Variants in CABIN1 observed in about 807,000 individuals in gnomAD.
The protein encoded by CABIN1 is calcineurin binding protein 1, also known as calcineurin-binding protein cabin-1.
Under a neutral mutation model 227.7 loss-of-function variants are expected in CABIN1, and 133 were observed. That is an observed-to-expected ratio of 0.58 (90% CI 0.51 to 0.67). The LOEUF (loss-of-function observed/expected upper bound fraction) is 0.67. Ranked by LOEUF, CABIN1 falls within the 30% of genes least tolerant of loss-of-function variation. The pLI is 0.00. For synonymous variants in CABIN1, 1,086 were observed against 1,155.1 expected, an observed-to-expected ratio of 0.94 and a Z score of 1.21; for missense variants, 2,408 against 2,852.5, an observed-to-expected ratio of 0.84 and a Z score of 3.55.
chr22:24,063,193 C>T lies in CABIN1; in HGVS notation c.1884+47C>T, dbSNP rs201948428. On this transcript the variant is annotated intron_variant, in intron 14 of 36. Coordinates refer to ENST00000263119, the MANE Select transcript of CABIN1 (RefSeq NM_012295.4). ...TTGGGGAGCATGCCCTGACACCCAG[C>T]AGGGTGGGCAGAAAATTGACCATGT... The T allele has an allele frequency of 1.9e-6, 3 of 1,589,482 alleles. No homozygotes were observed. The East Asian group carries it at 6.7e-5, about 36-fold the overall frequency.
chr22:24,122,774 A>G (rs2043497749), intron 28 of CABIN1, among the ~76,000 whole-genome samples: 1 of 151,956 alleles, frequency 6.6e-6, no homozygotes, highest in Non-Finnish European at 1.5e-5. Context: ...AAAGTTTCAG[A>G]TTTTGGAACA....
chr22:24,072,524 G>A lies in CABIN1; in HGVS notation c.2632+14G>A, dbSNP rs1268089607. Reference sequence around the variant, plus strand: ...CAGCGGAGGAAGGTGCACAGGCAGTGGGTGCAGTGGGGATGAGCTCTGACT... The same window carrying A: ...CAGCGGAGGAAGGTGCACAGGCAGTAGGTGCAGTGGGGATGAGCTCTGACT... On this transcript the variant is annotated intron_variant, in intron 18 of 36. Coordinates refer to ENST00000263119, the MANE Select transcript of CABIN1 (RefSeq NM_012295.4). The A allele has an allele frequency of 6.2e-7, 1 of 1,613,908 alleles. No homozygotes were observed. The highest frequency in any genetic ancestry group is 8.5e-7 in the Non-Finnish European group (1 of 1,180,008).
intron 23 of CABIN1, 110 bp from the exon 24 acceptor site, chr22:24,091,473 A>G: frequency 7.6e-7 from 1 of 1,315,648 alleles, no homozygotes; most frequent in Non-Finnish European, 1.1e-6. Flanking sequence ...CTTGGTTGTT[A>G]AGAGGAGTAT....
intron 8 of CABIN1, among the ~76,000 whole-genome samples, chr22:24,051,800 T>C (rs1240526787): frequency 2.6e-5 from 4 of 152,032 alleles, no homozygotes. Flanking sequence ...AGGGTTGTCA[T>C]GATAATGACA....
At chr22:24,089,104 G>C (rs779281881) in intron 23 of CABIN1, among the ~76,000 whole-genome samples, 10 of 152,184 alleles carry the variant, frequency 6.6e-5, no homozygotes, top group Non-Finnish European at 1.5e-4. Context: ...TCAGTGGGCT[G>C]AGCTGATCAT....
chr22:24,170,423 GC>G (rs2046726930), intron 33 of CABIN1, among the ~76,000 whole-genome samples: 1 of 152,210 alleles, frequency 6.6e-6, no homozygotes, highest in African/African-American at 2.4e-5. Flanking sequence ...CACGGCTGAG[GC>G]CCGCTCCTGA....
intron 29 of CABIN1, among the ~76,000 whole-genome samples, chr22:24,164,050 T>G (rs966232725): frequency 1.3e-5 from 2 of 152,214 alleles, no homozygotes; most frequent in African/African-American, 4.8e-5. Context: ...TAAGCACCTG[T>G]GCAGGGAGGT....
intron 23 of CABIN1, among the ~76,000 whole-genome samples, chr22:24,091,003 CT>C (rs2041507965): frequency 6.6e-6 from 1 of 152,314 alleles, no homozygotes; most frequent in Middle Eastern, 3.4e-3. Context: ...TAGCTGTTTC[CT>C]TCCTTCAGGC....
At chr22:24,082,985 T>G (rs2040908419) in intron 19 of CABIN1, among the ~76,000 whole-genome samples, 1 of 152,224 alleles carries the variant, frequency 6.6e-6, no homozygotes, top group African/African-American at 2.4e-5. Context: ...GAAAGGCAGC[T>G]TGGTAAACCC....
intron 26 of CABIN1, among the ~76,000 whole-genome samples, chr22:24,110,864 G>A (rs2042770641): frequency 6.0e-5 from 2 of 33,080 alleles, no homozygotes; most frequent in South Asian, 1.7e-3. Context: ...GCCCACCTAG[G>A]TGTGATTTTT....
chr22:24,152,382 G>C (rs2045535111), intron 29 of CABIN1, among the ~76,000 whole-genome samples: 1 of 152,224 alleles, frequency 6.6e-6, no homozygotes, highest in Admixed American at 6.5e-5. Context: ...GGGGGTCTGT[G>C]GGTCTAGGGA....
At chr22:24,147,349 C>T (rs1211685558) in intron 29 of CABIN1, among the ~76,000 whole-genome samples, 3 of 139,422 alleles carry the variant, frequency 2.2e-5, no homozygotes, top group African/African-American at 5.3e-5. Context: ...CCCTCCCTGC[C>T]TCCCTCCCTC....
At position 24,098,101 on chromosome 22, in the gene CABIN1, C is replaced by T. The variant is rs1477039338; in HGVS notation, c.4026C>T (p.Gly1342=). The T allele has an allele frequency of 2.5e-6, 4 of 1,614,018 alleles. No homozygotes were observed. The Admixed American group carries it at 5.0e-5, about 20-fold the overall frequency. The change falls in exon 26 of 37, where the codon GGC becomes GGT. Residue 1342 remains glycine, a synonymous_variant. Transcript: ENST00000263119. The part of the protein sequence containing the change: ...GPGASLPSSS[G]PGLTSPPYTA... The stretch of plus-strand genomic sequence containing the variant: ...GAGCCTCCCTCCCCTCCTCCTCTGG[C>T]CCAGGTCTGACATCCCCACCTTACA...
In CABIN1 at chr22:24,164,522, G is replaced by A. The variant is rs367898019; in HGVS notation, c.4869G>A (p.Leu1623=). The A allele has an allele frequency of 7.5e-6, 12 of 1,605,832 alleles. No individual in the cohort carries two copies. In the East Asian group the frequency reaches 2.0e-4, roughly 27 times the overall value. ...AGCTGCGGGACCACAGCACCCTGCT[G>A]AAGGTGTCCTCCATGCTTCAGCGGA... is the stretch of plus-strand genomic sequence containing the variant. ...LAQLRDHSTL[L]KVSSMLQRTP... is the part of the protein sequence containing the mutation. Residue 1623 remains leucine (L), a synonymous_variant, in exon 30 of 37, where the codon CTG becomes CTA. Transcript: ENST00000263119.
chr22:24,028,987 T>A (rs1369789402), intron 1 of CABIN1, among the ~76,000 whole-genome samples: 5 of 152,162 alleles, frequency 3.3e-5, no homozygotes, highest in Non-Finnish European at 7.3e-5. Context: ...CTGTGCCAAA[T>A]CAGTGTAAGA....
At chr22:24,100,982 G>T (rs1338315021) in intron 26 of CABIN1, among the ~76,000 whole-genome samples, 1 of 152,220 alleles carries the variant, frequency 6.6e-6, no homozygotes, top group Non-Finnish European at 1.5e-5. Flanking sequence ...TCTGGGGCCA[G>T]TCCCCCTCAG....
intron 1 of CABIN1, among the ~76,000 whole-genome samples, chr22:24,015,802 A>G (rs376522708): frequency 1.3e-5 from 2 of 151,996 alleles, no homozygotes; most frequent in Admixed American, 1.3e-4. Context: ...TAAAAATACA[A>G]AAAAAATTAG....
intron 9 of CABIN1, among the ~76,000 whole-genome samples, 154 bp from the exon 10 acceptor site, chr22:24,056,038 A>G (rs568866852): frequency 9.8e-5 from 15 of 152,354 alleles, no homozygotes; most frequent in African/African-American, 3.4e-4. Flanking sequence ...TTTACTCAGG[A>G]TTCTTTGTTG....
Position 24,083,190 on chromosome 22 carries a change from A to G in CABIN1, c.2749-38A>G. On this transcript the variant is annotated intron_variant, in intron 19 of 36. Coordinates refer to ENST00000263119, the MANE Select transcript of CABIN1 (RefSeq NM_012295.4). ...GCTGTGACAGGGAGGCAGTGGCTAC[A>G]GGCCCTCACCTCAGGCCATCTCTTC... is the stretch of plus-strand genomic sequence containing the variant. 3.1e-6 allele frequency: 5 copies of G among 1,607,638 alleles called. No individual in the cohort carries two copies. In the South Asian group the frequency reaches 4.4e-5, roughly 14 times the overall value.
Sources: gnomAD v4.1 joint callset for allele counts (sites outside exome capture counted in the v4.1 genomes callset) on GRCh38, gnomAD v4.1.1 for gene constraint, MANE v1.5 for transcripts, NCBI Gene and HGNC (gene_info 2026-07-23, HGNC 2026-07-21) for gene names.